CIMIP2C: variants seen among roughly 807,000 people sequenced by gnomAD.
CIMIP2C encodes ciliary microtubule inner protein 2C, also known as UPF0573 protein C2orf70.
At chr2:26,564,267 A>G in the CIMIP2C span, among the ~76,000 whole-genome samples, 1 of 151,790 alleles carries the variant, frequency 6.6e-6, no homozygotes, top group South Asian at 2.1e-4. Context: ...CTATTGTCTG[A>G]CTCCTGGACA....
the CIMIP2C span, among the ~76,000 whole-genome samples, chr2:26,565,663 C>G: frequency 6.6e-6 from 1 of 152,134 alleles, no homozygotes; most frequent in African/African-American, 2.4e-5. Flanking sequence ...ACTTATCCCC[C>G]CTGCCTCACC....
chr2:26,576,275 T>G, the CIMIP2C span: 1 of 1,340,372 alleles, frequency 7.5e-7, no homozygotes, highest in East Asian at 2.4e-5. Flanking sequence ...ACCTCGCACC[T>G]GCCACAGTGT....
chr2:26,564,242 C>A, the CIMIP2C span, among the ~76,000 whole-genome samples: 1 of 152,194 alleles, frequency 6.6e-6, no homozygotes, highest in South Asian at 2.1e-4. Flanking sequence ...CCACAGTCTC[C>A]AGTTGGAAAA....
chr2:26,570,777 GTA>G, the CIMIP2C span, among the ~76,000 whole-genome samples: 1 of 152,206 alleles, frequency 6.6e-6, no homozygotes, highest in Non-Finnish European at 1.5e-5. Context: ...CTCTGGTGCT[GTA>G]TGGACAGCAG....
the CIMIP2C span, among the ~76,000 whole-genome samples, chr2:26,573,719 G>T: frequency 6.6e-6 from 1 of 152,222 alleles, no homozygotes; most frequent in Non-Finnish European, 1.5e-5. Flanking sequence ...AGTCAGGACC[G>T]CCAGGGTCAC....
the CIMIP2C span, chr2:26,578,981 T>G: frequency 2.0e-6 from 1 of 495,184 alleles, no homozygotes; most frequent in Non-Finnish European, 4.0e-6. Context: ...ACTGCATTTA[T>G]TCCTCAAGTC....
the CIMIP2C span, chr2:26,572,274 T>C: frequency 1.0e-6 from 1 of 955,510 alleles, no homozygotes; most frequent in Non-Finnish European, 1.5e-6. Context: ...CTAGTTGCTA[T>C]TCCTGGTTCT....
the CIMIP2C span, chr2:26,578,842 T>C: frequency 2.1e-6 from 1 of 471,552 alleles, no homozygotes; most frequent in Non-Finnish European, 4.4e-6. Flanking sequence ...ACCAGGTGGT[T>C]GGGAGAAGAG....
At chr2:26,570,097 C>T in the CIMIP2C span, among the ~76,000 whole-genome samples, 1 of 152,198 alleles carries the variant, frequency 6.6e-6, no homozygotes, top group Non-Finnish European at 1.5e-5. Flanking sequence ...AAGCCCTGAA[C>T]AGAAGCCAGG....
the CIMIP2C span, among the ~76,000 whole-genome samples, chr2:26,571,706 T>C: frequency 6.6e-6 from 1 of 152,214 alleles, no homozygotes; most frequent in Non-Finnish European, 1.5e-5. Context: ...TGGTGCATTT[T>C]ATTCAGAGTT....
chr2:26,576,870 A>G, the CIMIP2C span, among the ~76,000 whole-genome samples: 1 of 152,326 alleles, frequency 6.6e-6, no homozygotes, highest in Admixed American at 6.5e-5. Context: ...GCTGGCCCTT[A>G]TGCCCTTGGC....
the CIMIP2C span, among the ~76,000 whole-genome samples, chr2:26,570,707 G>C: frequency 6.6e-6 from 1 of 152,230 alleles, no homozygotes; most frequent in Non-Finnish European, 1.5e-5. Flanking sequence ...CAGAGACTGG[G>C]AGTAACGCTG....
At chr2:26,569,228 A>C in the CIMIP2C span, among the ~76,000 whole-genome samples, 1,223 of 152,094 alleles carry the variant, frequency 8.0e-3, 13 homozygotes, top group African/African-American at 0.029. Flanking sequence ...TTCTGGATGG[A>C]GGATGTGGCT....
At chr2:26,570,619 A>G in the CIMIP2C span, among the ~76,000 whole-genome samples, 34 of 152,184 alleles carry the variant, frequency 2.2e-4, no homozygotes, top group Non-Finnish European at 4.4e-4. Context: ...AGATCCCCAG[A>G]TGGGCAACAG....
the CIMIP2C span, chr2:26,572,041 G>C: frequency 6.7e-7 from 1 of 1,482,032 alleles, no homozygotes; most frequent in Admixed American, 2.3e-5. Context: ...ATAGGAGAGA[G>C]AGAGAGGATA....
chr2:26,574,884 C>T, the CIMIP2C span, among the ~76,000 whole-genome samples: 3 of 152,192 alleles, frequency 2.0e-5, no homozygotes, highest in Non-Finnish European at 2.9e-5. Flanking sequence ...TTGGGAAGAG[C>T]GATTTCAAGG....
chr2:26,562,720 T>A, the CIMIP2C span: 1 of 1,530,298 alleles, frequency 6.5e-7, no homozygotes. Context: ...CCCCTCCCCC[T>A]TCCACTAGCG....
At chr2:26,577,572 C>T in the CIMIP2C span, 1 of 1,614,124 alleles carries the variant, frequency 6.2e-7, no homozygotes, top group Non-Finnish European at 8.5e-7. Context: ...TGCCTCGAGT[C>T]CCCTACTTTG....
chr2:26,568,119 A>G, the CIMIP2C span, among the ~76,000 whole-genome samples: 1 of 152,176 alleles, frequency 6.6e-6, no homozygotes, highest in Admixed American at 6.5e-5. Flanking sequence ...GCTGAGGGAA[A>G]AGATCATTGT....
Sources: allele counts gnomAD v4.1 joint callset (sites outside exome capture counted in the v4.1 genomes callset), GRCh38; gene constraint gnomAD v4.1.1; transcripts MANE v1.5; gene names NCBI Gene and HGNC (gene_info 2026-07-23, HGNC 2026-07-21).